ARHGAP22: variants seen among roughly 807,000 people sequenced by gnomAD.
ARHGAP22 encodes the protein rho GTPase-activating protein 22.
ARHGAP22 carries 48 observed loss-of-function variants against 59.1 expected under a neutral mutation model. That is an observed-to-expected ratio of 0.81 (90% CI 0.64 to 1.03). The LOEUF (loss-of-function observed/expected upper bound fraction) is 1.03. Among genes scored for constraint, ARHGAP22 ranks in the 50% least tolerant of loss-of-function variants. ARHGAP22 has a pLI of 0.00. For missense variants in ARHGAP22, 1,015 were observed against 958.7 expected (o/e 1.06, Z -0.78); for synonymous variants, 445 against 416.4 (o/e 1.07, Z -0.84).
chr10:48,491,561 T>C (rs1042476156), intron 3 of ARHGAP22, among the ~76,000 whole-genome samples: 6 of 152,254 alleles, frequency 3.9e-5, no homozygotes, highest in African/African-American at 1.2e-4. Context: ...CGACTCTGTC[T>C]ATTTTATAGG....
the ARHGAP22 span, among the ~76,000 whole-genome samples, chr10:48,434,236 G>A: frequency 6.6e-6 from 1 of 152,174 alleles, no homozygotes; most frequent in Non-Finnish European, 1.5e-5. Context: ...GAAATAAGAA[G>A]ACCCAAGTTT....
intron 3 of ARHGAP22, among the ~76,000 whole-genome samples, chr10:48,531,039 A>T (rs34552122): frequency 0.69 from 105,102 of 152,102 alleles, 37,640 homozygotes; most frequent in Middle Eastern, 0.79. Flanking sequence ...CATAAATCAA[A>T]GAGTGGATAA....
chr10:48,476,267 G>T (rs1171805337), intron 4 of ARHGAP22, among the ~76,000 whole-genome samples: 1 of 152,148 alleles, frequency 6.6e-6, no homozygotes, highest in African/African-American at 2.4e-5. Context: ...ACAGCTTGGT[G>T]GGCTGGGCAG....
downstream of ARHGAP22, among the ~76,000 whole-genome samples, chr10:48,442,967 A>G (rs2045236835): frequency 6.6e-6 from 1 of 152,146 alleles, no homozygotes; most frequent in Admixed American, 6.5e-5. Context: ...AGCTTGTCAC[A>G]TGCGGCAGGG....
chr10:48,639,610 G>T (rs2061960557), intron 1 of ARHGAP22, among the ~76,000 whole-genome samples: 1 of 152,194 alleles, frequency 6.6e-6, no homozygotes, highest in African/African-American at 2.4e-5. Flanking sequence ...CAGGTTTAAA[G>T]GTACGAGCAA....
rs1238916411 is a variant in ARHGAP22 at position 48,507,928 on chromosome 10, TG to T, written c.323-28165del. 3.4e-3 allele frequency among the ~76,000 whole-genome samples: 36 copies of T among 10,720 alleles called. 1 individual carries two copies. The highest frequency in any genetic ancestry group is 0.015 in the East Asian group (8 of 532). 7.0% of individuals were successfully genotyped at this position (10,720 alleles called of 152,430 possible). On this transcript the variant is annotated intron_variant, in intron 3 of 9. Transcript: ENST00000249601. The stretch of plus-strand genomic sequence containing the variant: ...GGTGGGGGTGGGGTGGGGGTGGGGG[TG>T]GGGGGGGATCTGAACATAGAAATGC...
At chr10:48,592,583 T>C (rs1199525276) in intron 1 of ARHGAP22, among the ~76,000 whole-genome samples, 2 of 152,144 alleles carry the variant, frequency 1.3e-5, no homozygotes. Context: ...GACCTCTCAG[T>C]GCTGAGTGTG....
intron 4 of ARHGAP22, among the ~76,000 whole-genome samples, chr10:48,471,267 C>T (rs2133961195): frequency 6.6e-6 from 1 of 152,338 alleles, no homozygotes; most frequent in South Asian, 2.1e-4. Context: ...GTCTCCGGCC[C>T]CCATGCCCCG....
chr10:48,633,335 C>A (rs1589253940), intron 1 of ARHGAP22, among the ~76,000 whole-genome samples: 2 of 152,224 alleles, frequency 1.3e-5, no homozygotes, highest in Non-Finnish European at 2.9e-5. Context: ...TGGGAGAAAG[C>A]TCCAAATGTA....
intron 3 of ARHGAP22, among the ~76,000 whole-genome samples, chr10:48,497,268 G>A (rs1049824232): frequency 1.3e-5 from 2 of 152,312 alleles, no homozygotes; most frequent in African/African-American, 2.4e-5. Flanking sequence ...TCCTGACCTT[G>A]TCTCCCCAGG....
At chr10:48,655,068 C>CCTTCTCTTCT (rs200335418), upstream of ARHGAP22, among the ~76,000 whole-genome samples, 3,720 of 22,150 alleles carry the variant, frequency 0.17, 873 homozygotes, top group Middle Eastern at 0.25. Flanking sequence ...TTCCTTCCCT[C>CCTTCTCTTCT]CTTCTCTTCT....
At chr10:48,605,638 G>A (rs1163123026), upstream of ARHGAP22, among the ~76,000 whole-genome samples, 1 of 152,040 alleles carries the variant, frequency 6.6e-6, no homozygotes, top group Non-Finnish European at 1.5e-5. Flanking sequence ...TGTATACTGG[G>A]GCTTTGTGAG....
Position 48,475,184 on chromosome 10 carries a change from G to C in ARHGAP22, c.451+4452C>G, listed in dbSNP as rs117401067. The stretch of plus-strand genomic sequence containing the variant: ...ACTGCTCAGCTTTCATCCTCTGGTT[G>C]ATCTATCAGCAGCACTTGGCTGCAG... On this transcript the variant is annotated intron_variant, in intron 4 of 9. Transcript: ENST00000249601. Among the ~76,000 whole-genome samples, 558 of 152,264 alleles carry C rather than the reference G, an allele frequency of 3.7e-3. 2 individuals carry two copies. The highest frequency in any genetic ancestry group is 5.8e-3 in the Non-Finnish European group (396 of 68,036).
intron 1 of ARHGAP22, among the ~76,000 whole-genome samples, chr10:48,620,311 C>T (rs2061240697): frequency 1.3e-5 from 2 of 151,184 alleles, no homozygotes; most frequent in Non-Finnish European, 2.9e-5. Context: ...GTTTTTCATA[C>T]ACTGTCTTCC....
At chr10:48,641,326 G>A (rs936969171) in intron 1 of ARHGAP22, among the ~76,000 whole-genome samples, 6 of 152,118 alleles carry the variant, frequency 3.9e-5, no homozygotes, top group Admixed American at 3.9e-4. Context: ...AGATCCATTA[G>A]TATGCTGTCT....
At chr10:48,612,431 G>A (rs10776629) in intron 1 of ARHGAP22, among the ~76,000 whole-genome samples, 1 of 151,958 alleles carries the variant, frequency 6.6e-6, no homozygotes, top group Non-Finnish European at 1.5e-5. Context: ...GACCCTGCCT[G>A]GGTTTTGAAT....
At chr10:48,550,153 C>T (rs2056786922) in intron 3 of ARHGAP22, among the ~76,000 whole-genome samples, 1 of 152,210 alleles carries the variant, frequency 6.6e-6, no homozygotes, top group Non-Finnish European at 1.5e-5. Flanking sequence ...TCTCACTTAA[C>T]CTTCAAAGAG....
At chr10:48,496,795 G>A (rs2050981840) in intron 3 of ARHGAP22, among the ~76,000 whole-genome samples, 1 of 152,184 alleles carries the variant, frequency 6.6e-6, no homozygotes, top group Non-Finnish European at 1.5e-5. Flanking sequence ...GAGGGGGGCT[G>A]CATCTTGCCC....
At chr10:48,628,266 G>C (rs1044523583) in intron 1 of ARHGAP22, among the ~76,000 whole-genome samples, 1 of 152,232 alleles carries the variant, frequency 6.6e-6, no homozygotes, top group Non-Finnish European at 1.5e-5. Flanking sequence ...TACAGTCCTT[G>C]TTTTAGCAGT....
Sources: gnomAD v4.1 joint callset for allele counts (sites outside exome capture counted in the v4.1 genomes callset) on GRCh38, gnomAD v4.1.1 for gene constraint, MANE v1.5 for transcripts, NCBI Gene and HGNC (gene_info 2026-07-23, HGNC 2026-07-21) for gene names.